The following PLXDC2 variants were observed in gnomAD, a reference collection of about 807,000 sequenced individuals.
PLXDC2 encodes plexin domain containing 2.
In PLXDC2, 40 loss-of-function variants were observed where a neutral mutation model predicts 68.9. The observed-to-expected ratio is 0.58, with a 90% CI of 0.45 to 0.76. PLXDC2 has a LOEUF of 0.76. PLXDC2 is among the 30% of genes least tolerant of loss of function. The pLI is 0.00. For synonymous variants in PLXDC2, 243 were observed against 234.2 expected, an observed-to-expected ratio of 1.04 and a Z score of -0.34; for missense variants, 644 against 661.9, an observed-to-expected ratio of 0.97 and a Z score of 0.30.
chr10:20,100,307 G>A (rs7920683), intron 4 of PLXDC2, among the ~76,000 whole-genome samples: 66,865 of 152,010 alleles, frequency 0.44, 14,887 homozygotes, highest in South Asian at 0.7. Flanking sequence ...GGAGTTTGTA[G>A]TGAAGTGTTT....
intron 6 of PLXDC2, among the ~76,000 whole-genome samples, chr10:20,151,013 G>T (rs550958964): frequency 8.1e-4 from 123 of 152,260 alleles, no homozygotes; most frequent in African/African-American, 2.9e-3. Flanking sequence ...GGAGTTCAAA[G>T]AAGTCATTTT....
chr10:19,897,316 C>T (rs1271323977), intron 1 of PLXDC2, among the ~76,000 whole-genome samples: 4 of 151,700 alleles, frequency 2.6e-5, no homozygotes, highest in Non-Finnish European at 4.4e-5. Context: ...CTCGGCTCAC[C>T]GCAACCTCCG....
chr10:19,834,741 T>C (rs1314836600), intron 1 of PLXDC2, among the ~76,000 whole-genome samples: 2 of 152,262 alleles, frequency 1.3e-5, no homozygotes, highest in Non-Finnish European at 2.9e-5. Flanking sequence ...AGAAGAATTA[T>C]TTATTCACTA....
In PLXDC2 at chr10:19,908,198, ATTTAT is replaced by A. The variant is rs577320657; in HGVS notation, c.112+91012_112+91016del. On this transcript the variant is annotated intron_variant, in intron 1 of 13. Transcript: ENST00000377252. Reference sequence around the variant, plus strand: ...ATACCACAAAATTTCTGTCAACATAATTTATTTTAAGTTTAAAAATCTTTCACTAA... The same window carrying A: ...ATACCACAAAATTTCTGTCAACATAATTTAAGTTTAAAAATCTTTCACTAA... 2.5e-3 allele frequency among the ~76,000 whole-genome samples: 387 copies of A among 152,276 alleles called. 1 individual carries two copies. The highest frequency in any genetic ancestry group is 8.6e-3 in the African/African-American group (359 of 41,542).
chr10:20,106,267 T>C (rs1833490099), intron 4 of PLXDC2, among the ~76,000 whole-genome samples: 1 of 152,170 alleles, frequency 6.6e-6, no homozygotes, highest in Non-Finnish European at 1.5e-5. Flanking sequence ...TATAACAAAA[T>C]ACCAGGTCTC....
chr10:19,842,638 A>T (rs1836931335), intron 1 of PLXDC2, among the ~76,000 whole-genome samples: 1 of 152,200 alleles, frequency 6.6e-6, no homozygotes, highest in Admixed American at 6.5e-5. Context: ...AGGCCAGAAG[A>T]TTATCTGCAA....
chr10:20,274,043 G>A (rs1323474736), intron 13 of PLXDC2, among the ~76,000 whole-genome samples: 1 of 133,680 alleles, frequency 7.5e-6, no homozygotes, highest in Non-Finnish European at 1.6e-5. Context: ...TGTCTCGAAA[G>A]AAAGACGGGA....
At chr10:19,903,219 T>G (rs1838187175) in intron 1 of PLXDC2, among the ~76,000 whole-genome samples, 2 of 152,156 alleles carry the variant, frequency 1.3e-5, no homozygotes, top group Non-Finnish European at 2.9e-5. Context: ...TCCCTCTTTC[T>G]TTATCCTGTG....
intron 12 of PLXDC2, among the ~76,000 whole-genome samples, chr10:20,236,174 A>ACT (rs1396610153): frequency 6.6e-6 from 1 of 152,000 alleles, no homozygotes; most frequent in Admixed American, 6.6e-5. Context: ...GAGCTCAGCG[A>ACT]CTCACACCTG....
At chr10:19,999,989 A>G (rs182596871) in intron 1 of PLXDC2, among the ~76,000 whole-genome samples, 14 of 152,250 alleles carry the variant, frequency 9.2e-5, no homozygotes, top group African/African-American at 3.1e-4. Flanking sequence ...CCAGCCCAAG[A>G]GTCCTGGATT....
At chr10:20,252,642 C>G (rs886393063) in intron 13 of PLXDC2, among the ~76,000 whole-genome samples, 10 of 152,166 alleles carry the variant, frequency 6.6e-5, no homozygotes, top group Non-Finnish European at 1.5e-4. Flanking sequence ...GTTGACCAGT[C>G]ACTCATTCAT....
chr10:20,045,319 C>CGCTTGTAATTA (rs1370764885), intron 2 of PLXDC2, among the ~76,000 whole-genome samples: 1 of 152,044 alleles, frequency 6.6e-6, no homozygotes, highest in Non-Finnish European at 1.5e-5. Context: ...TACAAGCACC[C>CGCTTGTAATTA]GCCACTGCAC....
intron 1 of PLXDC2, among the ~76,000 whole-genome samples, chr10:19,884,138 C>A (rs1185535291): frequency 5.3e-5 from 8 of 151,074 alleles, no homozygotes. Flanking sequence ...CTCAAGTGAT[C>A]CACCCAACTC....
intron 4 of PLXDC2, among the ~76,000 whole-genome samples, chr10:20,117,074 T>C (rs1335127313): frequency 6.6e-6 from 1 of 151,130 alleles, no homozygotes; most frequent in Admixed American, 6.6e-5. Flanking sequence ...AGTTCAGCAG[T>C]TGAGCGAGAT....
intron 3 of PLXDC2, among the ~76,000 whole-genome samples, chr10:20,063,646 A>G (rs1836143367): frequency 6.6e-6 from 1 of 151,980 alleles, no homozygotes. Context: ...CAATTAACAT[A>G]GGAAAAATAT....
intron 1 of PLXDC2, among the ~76,000 whole-genome samples, chr10:19,950,322 T>A (rs956306472): frequency 1.4e-4 from 21 of 152,070 alleles, no homozygotes; most frequent in African/African-American, 5.1e-4. Context: ...AGTTTCGGGG[T>A]ACAAAATCAA....
chr10:20,289,487 C>G lies in PLXDC2; in HGVS notation c.*9668C>G, dbSNP rs1408178455. The G allele has an allele frequency of 1.3e-5, 2 of 152,174 alleles. No homozygotes were observed. Among genetic ancestry groups the G allele is most frequent in the Admixed American group, 1.3e-4 (2 of 15,280 alleles). 9.4% of individuals were successfully genotyped at this position (152,174 alleles called of 1,614,324 possible). A position where few individuals can be genotyped will look rare whatever the true frequency, so the allele number is the denominator to read the frequency against. The stretch of plus-strand genomic sequence containing the variant: ...AAGTTCCAGAAGGTTCTCTATTATT[C>G]TGTCCTTCTTCCAAACTGGAAATGG... On this transcript the variant is annotated 3_prime_UTR_variant, in exon 14 of 14. Transcript: ENST00000377252.
At chr10:20,011,644 A>G (rs977202218) in intron 2 of PLXDC2, among the ~76,000 whole-genome samples, 3 of 152,214 alleles carry the variant, frequency 2.0e-5, no homozygotes, top group Non-Finnish European at 4.4e-5. Flanking sequence ...ATTAGGCCTT[A>G]AAGACTAGGT....
rs371555821 is a variant in PLXDC2 at position 20,270,631 on chromosome 10, G to A, written c.1474-9072G>A. Among the ~76,000 whole-genome samples the A allele has an allele frequency of 2.2e-3, 341 of 151,870 alleles. 4 individuals carry two copies. The highest frequency in any genetic ancestry group is 6.9e-3 in the African/African-American group (285 of 41,398). ...ATGGTCTTGGCTCACTGCAATCTCC[G>A]CCTGCCAGGTTCAGGTGATTCTCCT... On this transcript the variant is annotated intron_variant, in intron 13 of 13. Transcript: ENST00000377252.
Sources: gnomAD v4.1 joint callset for allele counts (sites outside exome capture counted in the v4.1 genomes callset) on GRCh38, gnomAD v4.1.1 for gene constraint, MANE v1.5 for transcripts, NCBI Gene and HGNC (gene_info 2026-07-23, HGNC 2026-07-21) for gene names.